The following KCNA1 variants were observed in gnomAD, a reference collection of about 807,000 sequenced individuals.
The protein encoded by KCNA1 is potassium channel, voltage gated shaker related subfamily A, member 1.
A neutral mutation model predicts 28.8 loss-of-function variants in KCNA1; 19 were observed. The observed-to-expected ratio is 0.66, with a 90% CI of 0.46 to 0.97. The LOEUF (loss-of-function observed/expected upper bound fraction) is 0.97. KCNA1 is among the 50% of genes least tolerant of loss of function. The pLI is 0.00. For missense variants in KCNA1, 419 were observed against 659.7 expected (o/e 0.64, Z 4.00); for synonymous variants, 311 against 268.8 (o/e 1.16, Z -1.53).
Position 4,912,070 on chromosome 12 carries a change from G to A in KCNA1, c.692G>A (p.Trp231Ter), listed in dbSNP as rs1450956303. The change falls in exon 2 of 2, where the codon TGG becomes TAG. Residue 231 changes from tryptophan to a stop codon, truncating the protein, a stop_gained. Coordinates refer to ENST00000382545, the MANE Select transcript of KCNA1 (RefSeq NM_000217.3). LOFTEE classifies it high-confidence loss of function. The part of the protein sequence containing the change: ...FFIVETLCII[W>*]FSFELVVRFF... Reference sequence around the variant, plus strand: ...ATCGTGGAAACGCTGTGTATCATCTGGTTCTCCTTCGAGCTGGTGGTGCGC... The same window carrying A: ...ATCGTGGAAACGCTGTGTATCATCTAGTTCTCCTTCGAGCTGGTGGTGCGC... The A allele has an allele frequency of 1.2e-6, 2 of 1,614,006 alleles. No individual in the cohort carries two copies. The highest frequency in any genetic ancestry group is 1.3e-5 in the African/African-American group (1 of 74,906).
Position 4,917,252 on chromosome 12 carries a change from T to G in KCNA1, c.*4386T>G. On this transcript the variant is annotated 3_prime_UTR_variant, in exon 2 of 2. Coordinates refer to ENST00000382545, the MANE Select transcript of KCNA1 (RefSeq NM_000217.3). Reference sequence around the variant, plus strand: ...TTTTAAGACCAGACACAACCCAAGTTGAATTGTGATCTCAGGAGGTGAACT... The same window carrying G: ...TTTTAAGACCAGACACAACCCAAGTGGAATTGTGATCTCAGGAGGTGAACT... 1 of 167,116 alleles carries G rather than the reference T, an allele frequency of 6.0e-6. No homozygotes were observed. The allele number at this position is 167,116 out of a possible 1,614,324, so 10.4% of individuals were successfully genotyped here. A position where few individuals can be genotyped will look rare whatever the true frequency, so the allele number is the denominator to read the frequency against.
chr12:4,911,314 G>T lies in KCNA1; in HGVS notation c.-65G>T, dbSNP rs1168414023. 4.1e-5 allele frequency: 61 copies of T among 1,484,174 alleles called. No homozygotes were observed. In the African/African-American group the frequency reaches 6.1e-4, roughly 15 times the overall value. 91.9% of individuals were successfully genotyped at this position (1,484,174 alleles called of 1,614,324 possible). ...GGCCGCTTGGGTCCCCCCCACCCCT[G>T]GTCCCTGGCTGCTTCCCACCCCGGG... On this transcript the variant is annotated 5_prime_UTR_variant, in exon 2 of 2. Coordinates refer to ENST00000382545, the MANE Select transcript of KCNA1 (RefSeq NM_000217.3). The surrounding 1 kb of genome is among the most constrained non-coding windows in gnomAD (Gnocchi z 6.6).
Position 4,911,086 on chromosome 12 carries a change from C to A in KCNA1, c.-293C>A. ...TCAGGAAGAAATATCTAAACAACAACAACAGAAAACCAACAAACCCCCAAA... is the reference window on the plus strand; with the variant it reads ...TCAGGAAGAAATATCTAAACAACAAAAACAGAAAACCAACAAACCCCCAAA... On this transcript the variant is annotated 5_prime_UTR_variant, in exon 2 of 2. Transcript: ENST00000382545. The surrounding 1 kb of genome is among the most constrained non-coding windows in gnomAD (Gnocchi z 6.6). 1 of 537,616 alleles carries A rather than the reference C, an allele frequency of 1.9e-6. No individual in the cohort carries two copies. The highest frequency in any genetic ancestry group is 3.4e-6 in the Non-Finnish European group (1 of 298,350). 33.3% of individuals were successfully genotyped at this position (537,616 alleles called of 1,614,324 possible).
rs938139991 is a variant in KCNA1, at chr12:4,918,155, C to A, written c.*5289C>A. Reference sequence around the variant, plus strand: ...TTATGAATTGAGAACCTAATTGATGCGCATAGTTTTCATCTATGCAATTTT... The same window carrying A: ...TTATGAATTGAGAACCTAATTGATGAGCATAGTTTTCATCTATGCAATTTT... On this transcript the variant is annotated 3_prime_UTR_variant, in exon 2 of 2. Coordinates refer to ENST00000382545, the MANE Select transcript of KCNA1 (RefSeq NM_000217.3). 1 of 167,030 alleles carries A rather than the reference C, an allele frequency of 6.0e-6. No individual in the cohort carries two copies. The highest frequency in any genetic ancestry group is 1.5e-5 in the Non-Finnish European group (1 of 68,118). The allele number at this position is 167,030 out of a possible 1,614,324, so 10.3% of individuals were successfully genotyped here.
rs1258305504 is a variant in KCNA1, at chr12:4,914,331, AG to A, written c.*1467del. 6.0e-6 allele frequency: 1 copy of A among 167,132 alleles called. No individual in the cohort carries two copies. Among genetic ancestry groups the A allele is most frequent in the East Asian group, 1.9e-4 (1 of 5,192 alleles). 10.4% of individuals were successfully genotyped at this position (167,132 alleles called of 1,614,324 possible). On this transcript the variant is annotated 3_prime_UTR_variant, in exon 2 of 2. Transcript: ENST00000382545. Reference sequence around the variant, plus strand: ...CAAGCAAACAAACAAACAAACAAAAAGGTGCAATACTGCATGTTTTTTGGTG... The same window carrying A: ...CAAGCAAACAAACAAACAAACAAAAAGTGCAATACTGCATGTTTTTTGGTG...
At position 4,917,070 on chromosome 12, in the gene KCNA1, T is replaced by C. The variant is rs1224777388; in HGVS notation, c.*4204T>C. On this transcript the variant is annotated 3_prime_UTR_variant, in exon 2 of 2. Transcript: ENST00000382545. Reference sequence around the variant, plus strand: ...TTTTCTTCCAGGAATGACTTATTCCTGGGGTGGTGAGAATTGGTGGGTGGT... The same window carrying C: ...TTTTCTTCCAGGAATGACTTATTCCCGGGGTGGTGAGAATTGGTGGGTGGT... 6.0e-6 allele frequency: 1 copy of C among 167,068 alleles called. No homozygotes were observed. Among genetic ancestry groups the C allele is most frequent in the Non-Finnish European group, 1.5e-5 (1 of 68,118 alleles). 10.3% of individuals were successfully genotyped at this position (167,068 alleles called of 1,614,324 possible).
chr12:4,912,404 T>C lies in KCNA1; in HGVS notation c.1026T>C (p.Ser342=), dbSNP rs749888137. The C allele has an allele frequency of 1.2e-5, 20 of 1,614,020 alleles. No homozygotes were observed. In the South Asian group the frequency reaches 1.5e-4, roughly 12 times the overall value. ...TCATCGGGGTCATCCTGTTTTCTAG[T>C]GCAGTGTACTTTGCCGAGGCGGAAG... ...FLFIGVILFS[S]AVYFAEAEEA... The change falls in exon 2 of 2, where the codon AGT becomes AGC. Residue 342 remains serine, a synonymous_variant. Transcript: ENST00000382545.
Position 4,911,020 on chromosome 12 carries a change from G to A in KCNA1, c.-359G>A, listed in dbSNP as rs1045590187. The A allele has an allele frequency of 3.1e-6, 1 of 322,972 alleles. No homozygotes were observed. The highest frequency in any genetic ancestry group is 3.3e-5 in the South Asian group (1 of 30,272). 20.0% of individuals were successfully genotyped at this position (322,972 alleles called of 1,614,324 possible). On this transcript the variant is annotated 5_prime_UTR_variant, in exon 2 of 2. Coordinates refer to ENST00000382545, the MANE Select transcript of KCNA1 (RefSeq NM_000217.3). The surrounding 1 kb of genome is among the most constrained non-coding windows in gnomAD (Gnocchi z 6.6). Reference sequence around the variant, plus strand: ...GGCCAGGGCGACCCCCGAAGCAATGGCCCAGTCCGCTAGAACGGCACTGCG... The same window carrying A: ...GGCCAGGGCGACCCCCGAAGCAATGACCCAGTCCGCTAGAACGGCACTGCG...
Position 4,917,835 on chromosome 12 carries a change from C to T in KCNA1, c.*4969C>T, listed in dbSNP as rs1467105904. The T allele has an allele frequency of 1.8e-5, 3 of 167,046 alleles. No individual in the cohort carries two copies. Among genetic ancestry groups the T allele is most frequent in the East Asian group, 1.9e-4 (1 of 5,202 alleles). 10.3% of individuals were successfully genotyped at this position (167,046 alleles called of 1,614,324 possible). A position where few individuals can be genotyped will look rare whatever the true frequency, so the allele number is the denominator to read the frequency against. ...CTTGCAGAAGCACCTTTCTTCTCTT[C>T]AGCGCACTGTTTTGGGACTGTTTAT... On this transcript the variant is annotated 3_prime_UTR_variant, in exon 2 of 2. Transcript: ENST00000382545.
rs1947344617 is a variant in KCNA1, at chr12:4,910,704, C to A, written c.-539-136C>A. The A allele has an allele frequency of 6.5e-6, 1 of 153,502 alleles. No homozygotes were observed. The highest frequency in any genetic ancestry group is 2.1e-4 in the South Asian group (1 of 4,816). 9.5% of individuals were successfully genotyped at this position (153,502 alleles called of 1,614,324 possible). On this transcript the variant is annotated intron_variant, in intron 1 of 1. Coordinates refer to ENST00000382545, the MANE Select transcript of KCNA1 (RefSeq NM_000217.3). This position sits in a 1 kb window ranked among gnomAD's most constrained non-coding sequence, Gnocchi z 4.9. ...TCCGGGTGTCTGCGTGTCGTCTGTCCGTGTGTGTGTGATAGCCCTAGCAAA... is the reference window on the plus strand; with the variant it reads ...TCCGGGTGTCTGCGTGTCGTCTGTCAGTGTGTGTGTGATAGCCCTAGCAAA...
chr12:4,911,491 G>A lies in KCNA1; in HGVS notation c.113G>A (p.Arg38His), dbSNP rs1454599912. The A allele has an allele frequency of 6.2e-7, 1 of 1,614,118 alleles. No individual in the cohort carries two copies. The highest frequency in any genetic ancestry group is 1.1e-5 in the South Asian group (1 of 91,080). The change falls in exon 2 of 2, where the codon CGC becomes CAC. Residue 38 changes from arginine (R) to histidine (H), a missense_variant. Arg to His is a conservative substitution (Grantham distance 29, BLOSUM62 0). Around this residue, in one of 4 missense-constraint regions of KCNA1, gnomAD observed 67 missense variants for 57.2 expected, o/e 1.17. Transcript: ENST00000382545. This position sits in a 1 kb window ranked among gnomAD's most constrained non-coding sequence, Gnocchi z 6.6. Reference protein sequence around the residue: ...ADHDDHECCERVVINISGLRF... With the variant: ...ADHDDHECCEHVVINISGLRF... ...CACGACGACCACGAGTGCTGCGAGC[G>A]CGTGGTGATCAACATCTCCGGGCTG... is the stretch of plus-strand genomic sequence containing the variant.
rs1439260342 is a variant in KCNA1, at chr12:4,917,873, A to G, written c.*5007A>G. Reference sequence around the variant, plus strand: ...TGGGACTGTTTATGCAGCAGATGTAAGTAGACAACATGGACTCCATGTGAC... The same window carrying G: ...TGGGACTGTTTATGCAGCAGATGTAGGTAGACAACATGGACTCCATGTGAC... On this transcript the variant is annotated 3_prime_UTR_variant, in exon 2 of 2. Transcript: ENST00000382545. The G allele has an allele frequency of 6.0e-6, 1 of 167,082 alleles. No homozygotes were observed. The highest frequency in any genetic ancestry group is 1.5e-5 in the Non-Finnish European group (1 of 68,114). 10.3% of individuals were successfully genotyped at this position (167,082 alleles called of 1,614,324 possible).
chr12:4,912,311 C>T lies in KCNA1; in HGVS notation c.933C>T (p.Gly311=). ...TCAAGCTCTCCCGCCACTCTAAGGG[C>T]CTCCAGATCCTGGGCCAGACCCTCA... The part of the protein sequence containing the change: ...RIFKLSRHSK[G]LQILGQTLKA... Residue 311 remains glycine, a synonymous_variant, in exon 2 of 2, where the codon GGC becomes GGT. Coordinates refer to ENST00000382545, the MANE Select transcript of KCNA1 (RefSeq NM_000217.3). 6.2e-7 allele frequency: 1 copy of T among 1,613,856 alleles called. No individual in the cohort carries two copies. The highest frequency in any genetic ancestry group is 8.5e-7 in the Non-Finnish European group (1 of 1,179,986).
rs1287832073 is a variant in KCNA1, at chr12:4,914,088, G to A, written c.*1222G>A. On this transcript the variant is annotated 3_prime_UTR_variant, in exon 2 of 2. Transcript: ENST00000382545. Reference sequence around the variant, plus strand: ...AGTCTGTGGGGTGAAAGGCCCAATAGAAATTATGGGGGGTGGGGGTGGGGG... The same window carrying A: ...AGTCTGTGGGGTGAAAGGCCCAATAAAAATTATGGGGGGTGGGGGTGGGGG... The A allele has an allele frequency of 7.3e-6, 1 of 137,724 alleles. No homozygotes were observed. The highest frequency in any genetic ancestry group is 3.0e-5 in the African/African-American group (1 of 32,904). 8.5% of individuals were successfully genotyped at this position (137,724 alleles called of 1,614,324 possible). A position where few individuals can be genotyped will look rare whatever the true frequency, so the allele number is the denominator to read the frequency against.
At position 4,911,361 on chromosome 12, in the gene KCNA1, C is replaced by A. The variant is rs541828200; in HGVS notation, c.-18C>A. ...CGGGCTCTCTCCTGGCCTCCCACCC[C>A]CGCGCCCGGCTTCCACCATGACGGT... On this transcript the variant is annotated 5_prime_UTR_variant, in exon 2 of 2. Coordinates refer to ENST00000382545, the MANE Select transcript of KCNA1 (RefSeq NM_000217.3). The surrounding 1 kb of genome is among the most constrained non-coding windows in gnomAD (Gnocchi z 6.6). 107 of 1,610,116 alleles carry A rather than the reference C, an allele frequency of 6.6e-5. No individual in the cohort carries two copies. The African/African-American group carries it at 1.3e-3, about 20-fold the overall frequency.
rs573191253 is a variant in KCNA1, at chr12:4,911,307, C to A, written c.-72C>A. 4.2e-5 allele frequency: 55 copies of A among 1,312,038 alleles called. No individual in the cohort carries two copies. Among genetic ancestry groups the A allele is most frequent in the Middle Eastern group, 2.6e-4 (1 of 3,864 alleles). The allele number at this position is 1,312,038 out of a possible 1,614,324, so 81.3% of individuals were successfully genotyped here. On this transcript the variant is annotated 5_prime_UTR_variant, in exon 2 of 2. Transcript: ENST00000382545. The surrounding 1 kb of genome is among the most constrained non-coding windows in gnomAD (Gnocchi z 6.6). Reference sequence around the variant, plus strand: ...GTGGGGGGGCCGCTTGGGTCCCCCCCACCCCTGGTCCCTGGCTGCTTCCCA... The same window carrying A: ...GTGGGGGGGCCGCTTGGGTCCCCCCAACCCCTGGTCCCTGGCTGCTTCCCA...
chr12:4,912,392 C>G lies in KCNA1; in HGVS notation c.1014C>G (p.Ile338Met). 1.2e-6 allele frequency: 2 copies of G among 1,613,922 alleles called. No homozygotes were observed. Among genetic ancestry groups the G allele is most frequent in the Non-Finnish European group, 1.7e-6 (2 of 1,179,994 alleles). ...LLIFFLFIGV[I>M]LFSSAVYFAE... The stretch of plus-strand genomic sequence containing the variant: ...TCTTTTTCCTCTTCATCGGGGTCAT[C>G]CTGTTTTCTAGTGCAGTGTACTTTG... Residue 338 changes from isoleucine to methionine, a missense_variant, in exon 2 of 2, where the codon ATC becomes ATG. This residue lies in a region of KCNA1 where 54 missense variants were observed against 186.4 expected (regional missense o/e 0.29). Coordinates refer to ENST00000382545, the MANE Select transcript of KCNA1 (RefSeq NM_000217.3).
In KCNA1 at chr12:4,911,272, G is replaced by T. The variant is rs904539145; in HGVS notation, c.-107G>T. The T allele has an allele frequency of 3.7e-6, 3 of 803,466 alleles. No individual in the cohort carries two copies. Among genetic ancestry groups the T allele is most frequent in the Non-Finnish European group, 6.0e-6 (3 of 502,284 alleles). 49.8% of individuals were successfully genotyped at this position (803,466 alleles called of 1,614,324 possible). On this transcript the variant is annotated 5_prime_UTR_variant, in exon 2 of 2. Transcript: ENST00000382545. This position sits in a 1 kb window ranked among gnomAD's most constrained non-coding sequence, Gnocchi z 6.6. ...ACCTCCCCCTGGGCGTGAGGGAGAC[G>T]CGCGCTCCGGTGGGGGGGCCGCTTG...
In KCNA1 at chr12:4,915,513, A is replaced by C. The variant is rs1162067915; in HGVS notation, c.*2647A>C. ...TTTTGTGAATCTGTGAGATGAACAC[A>C]ACACACATCGTGGAAGATGAGGGGC... On this transcript the variant is annotated 3_prime_UTR_variant, in exon 2 of 2. Transcript: ENST00000382545. 6.0e-6 allele frequency: 1 copy of C among 167,128 alleles called. No homozygotes were observed. The highest frequency in any genetic ancestry group is 6.5e-5 in the Admixed American group (1 of 15,288). The allele number at this position is 167,128 out of a possible 1,614,324, so 10.4% of individuals were successfully genotyped here. A position where few individuals can be genotyped will look rare whatever the true frequency, so the allele number is the denominator to read the frequency against.
Sources: allele counts gnomAD v4.1 joint callset, GRCh38; gene constraint gnomAD v4.1.1; regional missense constraint gnomAD v4.1.1; non-coding constraint Gnocchi (gnomAD v3.1); transcripts MANE v1.5; gene names NCBI Gene and HGNC (gene_info 2026-07-23, HGNC 2026-07-21).